The following THRA variants were observed in gnomAD, a reference collection of about 807,000 sequenced individuals.
THRA encodes EAR-7.
Under a neutral mutation model 45.0 loss-of-function variants are expected in THRA, and 13 were observed. The ratio of observed to expected loss-of-function variants is 0.29; its 90% CI spans 0.19 to 0.46. THRA has a LOEUF of 0.46. Among genes scored for constraint, THRA ranks in the 20% least tolerant of loss-of-function variants. The probability of loss-of-function intolerance (pLI) is 1.00; values close to 1 mark genes in which losing one functional copy is unlikely to be tolerated. For missense variants in THRA, 278 were observed against 556.1 expected (o/e 0.50, Z 5.03); for synonymous variants, 195 against 214.0 (o/e 0.91, Z 0.78).
At chr17:40,083,400 A>G (rs537365048) in intron 4 of THRA, among the ~76,000 whole-genome samples, 1 of 152,106 alleles carries the variant, frequency 6.6e-6, no homozygotes, top group Admixed American at 6.5e-5. Flanking sequence ...TTTAGTAGAG[A>G]CAGGGTTTCT....
chr17:40,087,488 C>T (rs1365517637), intron 7 of THRA, among the ~76,000 whole-genome samples: 1 of 152,162 alleles, frequency 6.6e-6, no homozygotes, highest in Non-Finnish European at 1.5e-5. Context: ...CACAGGCACA[C>T]ACACACAGCA....
chr17:40,083,071 C>T (rs62065218), intron 4 of THRA, among the ~76,000 whole-genome samples: 1,592 of 151,976 alleles, frequency 0.01, 12 homozygotes, highest in Non-Finnish European at 0.016. Context: ...GGGACTACAG[C>T]GCCCACCACC....
chr17:40,078,468 A>G (rs966533879), intron 4 of THRA, among the ~76,000 whole-genome samples: 1 of 152,192 alleles, frequency 6.6e-6, no homozygotes, highest in South Asian at 2.1e-4. Context: ...GTGACAGAGC[A>G]AGATTCTGTC....
chr17:40,065,712 C>A (rs1598386362), intron 1 of THRA, among the ~76,000 whole-genome samples: 1 of 151,342 alleles, frequency 6.6e-6, no homozygotes, highest in East Asian at 2.0e-4. Flanking sequence ...CTCAGGACTT[C>A]CTGCACTTCC....
Position 40,092,810 on chromosome 17 carries a change from G to A in THRA, c.*3354G>A. On this transcript the variant is annotated 3_prime_UTR_variant, in exon 9 of 9. Coordinates refer to ENST00000450525, the MANE Select transcript of THRA (RefSeq NM_199334.5). ...AAGCCAGCTCAGCTGTGAACTATTGGATTTGAGACAGGAACAGAACAAATC... is the reference window on the plus strand; with the variant it reads ...AAGCCAGCTCAGCTGTGAACTATTGAATTTGAGACAGGAACAGAACAAATC... 1.4e-6 allele frequency: 1 copy of A among 731,972 alleles called. No individual in the cohort carries two copies. The highest frequency in any genetic ancestry group is 2.1e-6 in the Non-Finnish European group (1 of 469,040). 45.3% of individuals were successfully genotyped at this position (731,972 alleles called of 1,614,324 possible).
rs201099164 is a variant in THRA at position 40,092,881 on chromosome 17, G to A, written c.*3425G>A. The A allele has an allele frequency of 1.2e-4, 145 of 1,256,928 alleles. 3 individuals carry two copies. In the Admixed American group the frequency reaches 3.6e-3, roughly 32 times the overall value. The allele number at this position is 1,256,928 out of a possible 1,614,324, so 77.9% of individuals were successfully genotyped here. A position where few individuals can be genotyped will look rare whatever the true frequency, so the allele number is the denominator to read the frequency against. On this transcript the variant is annotated 3_prime_UTR_variant, in exon 9 of 9. Coordinates refer to ENST00000450525, the MANE Select transcript of THRA (RefSeq NM_199334.5). ...TGGGGGAGACAGAGTGGTTTAAATA[G>A]GGGAGGAGGGGAAGTTCGGTGATGG...
At chr17:40,073,603 G>A (rs749016631) in intron 1 of THRA, among the ~76,000 whole-genome samples, 2 of 152,212 alleles carry the variant, frequency 1.3e-5, no homozygotes, top group Non-Finnish European at 2.9e-5. Context: ...GAGACCTTGC[G>A]TGGGAAGCTC....
chr17:40,065,979 G>A (rs2078560076), intron 1 of THRA, among the ~76,000 whole-genome samples: 1 of 152,332 alleles, frequency 6.6e-6, no homozygotes, highest in African/African-American at 2.4e-5. Flanking sequence ...CTGCTGAGTT[G>A]GGTCCACTGC....
chr17:40,086,662 T>C (rs765582147), intron 6 of THRA, 45 bp from the exon 7 acceptor site: 1 of 1,600,520 alleles, frequency 6.2e-7, no homozygotes, highest in South Asian at 1.1e-5. Context: ...AGTGAGAGGC[T>C]GAAAGGGGTC....
chr17:40,079,779 C>T (rs1987075304), intron 4 of THRA, among the ~76,000 whole-genome samples: 1 of 152,138 alleles, frequency 6.6e-6, no homozygotes, highest in South Asian at 2.1e-4. Context: ...GAAACTGAGA[C>T]TCAGAGAAGT....
At chr17:40,062,686 G>A (rs1266329539), upstream of THRA, 2 of 151,262 alleles carry the variant, frequency 1.3e-5, no homozygotes, top group Non-Finnish European at 3.0e-5. Flanking sequence ...ACTCCTGCGG[G>A]AGCCGCCCGG....
At chr17:40,081,426 A>G (rs1348823273) in intron 4 of THRA, among the ~76,000 whole-genome samples, 5 of 151,794 alleles carry the variant, frequency 3.3e-5, no homozygotes, top group Admixed American at 6.6e-5. Context: ...ACCCCTGGCC[A>G]ATTTGTGTAT....
At chr17:40,063,284 G>A (rs1230318459) in intron 1 of THRA, among the ~76,000 whole-genome samples, 192 bp downstream of exon 1, 1 of 152,194 alleles carries the variant, frequency 6.6e-6, no homozygotes, top group East Asian at 1.9e-4. Context: ...ACGCCCTGGG[G>A]AAGGGAGGTG....
intron 1 of THRA, among the ~76,000 whole-genome samples, chr17:40,071,569 C>T (rs1567648877): frequency 6.6e-6 from 1 of 152,268 alleles, no homozygotes; most frequent in Non-Finnish European, 1.5e-5. Context: ...TGCTGTCCTG[C>T]TGTCCAGCCT....
At chr17:40,085,789 G>A (rs1042185960) in intron 6 of THRA, among the ~76,000 whole-genome samples, 4 of 151,950 alleles carry the variant, frequency 2.6e-5, no homozygotes, top group Non-Finnish European at 4.4e-5. Flanking sequence ...GATTACAGGC[G>A]TGCGCCACCA....
At position 40,080,038 on chromosome 17, in the gene THRA, C is replaced by T. The variant is rs149150958; in HGVS notation, c.222+2430C>T. ...GAGTGGAGATTAAGTCAGTGTACTC[C>T]AGCCTGGGTGACAGAGCGACAGAGT... On this transcript the variant is annotated intron_variant, in intron 4 of 8. Coordinates refer to ENST00000450525, the MANE Select transcript of THRA (RefSeq NM_199334.5). Among the ~76,000 whole-genome samples, 280 of 151,856 alleles carry T rather than the reference C, an allele frequency of 1.8e-3. 1 individual carries two copies. The highest frequency in any genetic ancestry group is 6.5e-3 in the African/African-American group (267 of 41,378).
chr17:40,071,902 G>A (rs564123563), intron 1 of THRA, among the ~76,000 whole-genome samples: 1 of 152,252 alleles, frequency 6.6e-6, no homozygotes, highest in Non-Finnish European at 1.5e-5. Flanking sequence ...CTCTTTCTGG[G>A]TACCCAGTGA....
chr17:40,076,790 G>A, intron 2 of THRA, 81 bp from the exon 3 acceptor site: 2 of 1,450,448 alleles, frequency 1.4e-6, no homozygotes, highest in South Asian at 1.2e-5. Flanking sequence ...TCAGGCCTTG[G>A]GGGATTGCAT....
In THRA at chr17:40,088,232, C is replaced by A; in HGVS notation, c.724-10C>A. The A allele has an allele frequency of 1.3e-6, 2 of 1,572,978 alleles. No individual in the cohort carries two copies. Among genetic ancestry groups the A allele is most frequent in the Non-Finnish European group, 1.7e-6 (2 of 1,156,620 alleles). ...ATGCTGAGTGCTCCTGTGGCCCTGC[C>A]GCTCCACAGCTGCCTTGCGAAGACC... On this transcript the variant is annotated splice_polypyrimidine_tract_variant and intron_variant, in intron 7 of 8. Transcript: ENST00000450525.
Sources: allele counts gnomAD v4.1 joint callset (sites outside exome capture counted in the v4.1 genomes callset), GRCh38; gene constraint gnomAD v4.1.1; transcripts MANE v1.5; gene names NCBI Gene and HGNC (gene_info 2026-07-23, HGNC 2026-07-21).